The following TRPC6 variants were observed in gnomAD, a reference collection of about 807,000 sequenced individuals.
TRPC6 encodes the protein transient receptor potential cation channel subfamily C member 6.
Under a neutral mutation model 90.7 loss-of-function variants are expected in TRPC6, and 55 were observed. The observed-to-expected ratio is 0.61, with a 90% CI of 0.49 to 0.76. TRPC6 has a LOEUF of 0.76. Among genes scored for constraint, TRPC6 ranks in the 30% least tolerant of loss-of-function variants. The pLI, the probability that TRPC6 is intolerant of heterozygous loss-of-function variation, is 0.00. For missense variants in TRPC6, 989 were observed against 1,122.7 expected, an observed-to-expected ratio of 0.88 and a Z score of 1.70; for synonymous variants, 393 against 393.0, an observed-to-expected ratio of 1.00 and a Z score of 0.00.
intron 2 of TRPC6, among the ~76,000 whole-genome samples, chr11:101,493,261 A>C (rs138790623): frequency 5.3e-5 from 8 of 152,162 alleles, no homozygotes; most frequent in Non-Finnish European, 1.2e-4. Flanking sequence ...AACTTAAAAA[A>C]TTTTCACAAA....
At chr11:101,543,420 C>T (rs1222760330) in intron 1 of TRPC6, among the ~76,000 whole-genome samples, 1 of 152,116 alleles carries the variant, frequency 6.6e-6, no homozygotes, top group Admixed American at 6.5e-5. Flanking sequence ...CCAAGACAAT[C>T]CTAAGCAAAA....
At chr11:101,499,246 G>A (rs1209715818) in intron 2 of TRPC6, among the ~76,000 whole-genome samples, 1 of 151,954 alleles carries the variant, frequency 6.6e-6, no homozygotes, top group African/African-American at 2.4e-5. Flanking sequence ...CACTAGAAAA[G>A]TATCTCAAAC....
At chr11:101,526,405 T>A (rs915596129) in intron 1 of TRPC6, among the ~76,000 whole-genome samples, 5 of 152,186 alleles carry the variant, frequency 3.3e-5, no homozygotes, top group African/African-American at 1.2e-4. Flanking sequence ...AAAAATAAAT[T>A]TTGGCATAGT....
intron 1 of TRPC6, among the ~76,000 whole-genome samples, chr11:101,548,827 GA>G (rs1240519174): frequency 1.3e-5 from 2 of 151,826 alleles, no homozygotes; most frequent in Non-Finnish European, 2.9e-5. Flanking sequence ...ACTATTGAGT[GA>G]AAAAAATCAT....
chr11:101,535,075 A>T (rs1242446150), intron 1 of TRPC6, among the ~76,000 whole-genome samples: 1 of 152,142 alleles, frequency 6.6e-6, no homozygotes, highest in Non-Finnish European at 1.5e-5. Flanking sequence ...CTGAGGATCA[A>T]GAATCGCTTA....
intron 1 of TRPC6, among the ~76,000 whole-genome samples, chr11:101,552,099 TA>T (rs1333477610): frequency 1.3e-5 from 2 of 152,096 alleles, no homozygotes; most frequent in Admixed American, 1.3e-4. Flanking sequence ...AGTTTGCAAG[TA>T]AAAATCTCAG....
At chr11:101,547,570 C>G (rs1861336070) in intron 1 of TRPC6, among the ~76,000 whole-genome samples, 1 of 152,150 alleles carries the variant, frequency 6.6e-6, no homozygotes, top group Admixed American at 6.6e-5. Flanking sequence ...GTCAACCATG[C>G]CCCCAGTATA....
chr11:101,548,378 TATAA>T (rs992444949), intron 1 of TRPC6, among the ~76,000 whole-genome samples: 5 of 143,548 alleles, frequency 3.5e-5, no homozygotes, highest in African/African-American at 1.0e-4. Context: ...AATTATAATA[TATAA>T]ATATATTATG....
At chr11:101,491,393 C>G in intron 3 of TRPC6, 163 bp downstream of exon 3, 1 of 814,666 alleles carries the variant, frequency 1.2e-6, no homozygotes, top group South Asian at 1.6e-5. Context: ...GAGATCGCAC[C>G]ACTGCACTCC....
chr11:101,572,679 TA>T (rs1861989650), intron 1 of TRPC6, among the ~76,000 whole-genome samples: 1 of 151,978 alleles, frequency 6.6e-6, no homozygotes, highest in Admixed American at 6.6e-5. Context: ...TATGCAGCCA[TA>T]AAAAAGGATG....
At chr11:101,557,622 A>G (rs1861589643) in intron 1 of TRPC6, among the ~76,000 whole-genome samples, 1 of 141,784 alleles carries the variant, frequency 7.1e-6, no homozygotes, top group Admixed American at 6.9e-5. Flanking sequence ...CTAATTCCAC[A>G]CACACACAAA....
intron 1 of TRPC6, among the ~76,000 whole-genome samples, chr11:101,529,619 A>T (rs901857696): frequency 6.6e-6 from 1 of 152,230 alleles, no homozygotes; most frequent in African/African-American, 2.4e-5. Flanking sequence ...AAATGCACTT[A>T]TTTATGAAAT....
chr11:101,533,988 G>A (rs1408594062), intron 1 of TRPC6, among the ~76,000 whole-genome samples: 1 of 152,140 alleles, frequency 6.6e-6, no homozygotes, highest in African/African-American at 2.4e-5. Context: ...CTATATGCCT[G>A]TCTGGAAGCT....
intron 1 of TRPC6, among the ~76,000 whole-genome samples, chr11:101,543,433 A>G (rs1433928961): frequency 2.0e-5 from 3 of 152,202 alleles, no homozygotes; most frequent in African/African-American, 7.2e-5. Flanking sequence ...AAGCAAAAAG[A>G]ACAAAGCTGG....
chr11:101,464,020 G>A (rs975858038), intron 10 of TRPC6, among the ~76,000 whole-genome samples: 1 of 152,060 alleles, frequency 6.6e-6, no homozygotes, highest in Non-Finnish European at 1.5e-5. Flanking sequence ...TGTTCTCATT[G>A]GTTTCAAAGG....
intron 10 of TRPC6, among the ~76,000 whole-genome samples, chr11:101,466,746 T>C (rs1859154743): frequency 6.6e-6 from 1 of 151,922 alleles, no homozygotes; most frequent in Non-Finnish European, 1.5e-5. Context: ...CAGGCACCAC[T>C]GGGGTATGGG....
intron 11 of TRPC6, among the ~76,000 whole-genome samples, chr11:101,453,952 A>G (rs1199462311): frequency 6.6e-6 from 1 of 152,174 alleles, no homozygotes. Flanking sequence ...GAGTTCTTAG[A>G]AAAGAATGTT....
At chr11:101,475,130 G>A (rs1246279117) in intron 6 of TRPC6, among the ~76,000 whole-genome samples, 1 of 152,264 alleles carries the variant, frequency 6.6e-6, no homozygotes, top group Non-Finnish European at 1.5e-5. Context: ...CAGTGTTAGA[G>A]GTGATGATCT....
rs1859309090 is a variant in TRPC6, at chr11:101,472,234, A to G, written c.2108T>C (p.Ile703Thr). Residue 703 changes from isoleucine (I) to threonine (T), a missense_variant, in exon 8 of 13, where the codon ATT becomes ACT. Physicochemically the swap from Ile to Thr is moderately conservative, Grantham distance 89 (BLOSUM62 -1). Transcript: ENST00000344327. ...ATAGACTCCATAAAGAACGTAACCA[A>G]TGTTTTCAATGAATTTGTGGTTATA... ...INYNHKFIEN[I>T]GYVLYGVYNV... 2 of 1,613,226 alleles carry G rather than the reference A, an allele frequency of 1.2e-6. No homozygotes were observed. The highest frequency in any genetic ancestry group is 1.7e-5 in the Admixed American group (1 of 60,000).
Sources: allele counts gnomAD v4.1 joint callset (sites outside exome capture counted in the v4.1 genomes callset), GRCh38; gene constraint gnomAD v4.1.1; transcripts MANE v1.5; gene names NCBI Gene and HGNC (gene_info 2026-07-23, HGNC 2026-07-21).